EXOC4: variants seen among roughly 807,000 people sequenced by gnomAD.
EXOC4 encodes the protein exocyst complex component 4.
Under a neutral mutation model 107.2 loss-of-function variants are expected in EXOC4, and 71 were observed. The ratio of observed to expected loss-of-function variants is 0.66; its 90% CI spans 0.55 to 0.81. The LOEUF (loss-of-function observed/expected upper bound fraction) is 0.81. Ranked by LOEUF, EXOC4 falls within the 30% of genes least tolerant of loss-of-function variation. The pLI is 0.00. For synonymous variants in EXOC4, 456 were observed against 441.2 expected (o/e 1.03, Z -0.42); for missense variants, 1,108 against 1,189.6 (o/e 0.93, Z 1.01).
At chr7:133,432,609 T>A (rs1797880739) in intron 7 of EXOC4, among the ~76,000 whole-genome samples, 1 of 152,204 alleles carries the variant, frequency 6.6e-6, no homozygotes. Context: ...AACTTTTAAA[T>A]GTATGTAATA....
chr7:134,020,143 A>T (rs1794996900), intron 17 of EXOC4, among the ~76,000 whole-genome samples: 1 of 152,248 alleles, frequency 6.6e-6, no homozygotes, highest in Admixed American at 6.5e-5. Context: ...CTTTTAAGAC[A>T]ATAAGCAGCT....
chr7:133,821,335 G>A (rs1312809201), intron 11 of EXOC4, among the ~76,000 whole-genome samples: 1 of 152,168 alleles, frequency 6.6e-6, no homozygotes, highest in Non-Finnish European at 1.5e-5. Context: ...TAGTAGAACT[G>A]TAATGCAAAC....
chr7:134,026,832 A>AG (rs397744006), intron 17 of EXOC4, among the ~76,000 whole-genome samples: 1 of 151,470 alleles, frequency 6.6e-6, no homozygotes, highest in Non-Finnish European at 1.5e-5. Flanking sequence ...AGGCAGAGCA[A>AG]CGTTGCTTTC....
At chr7:133,654,997 G>A (rs975010573) in intron 10 of EXOC4, among the ~76,000 whole-genome samples, 7 of 152,142 alleles carry the variant, frequency 4.6e-5, no homozygotes, top group African/African-American at 9.7e-5. Context: ...AATGTTGCTT[G>A]CAGGACTAAA....
At chr7:133,494,238 C>T (rs931801990) in intron 9 of EXOC4, among the ~76,000 whole-genome samples, 1 of 152,088 alleles carries the variant, frequency 6.6e-6, no homozygotes, top group South Asian at 2.1e-4. Flanking sequence ...CAGAAGTACC[C>T]TTATAGACAC....
intron 9 of EXOC4, among the ~76,000 whole-genome samples, chr7:133,549,928 AT>A (rs1336004687): frequency 6.6e-6 from 1 of 152,040 alleles, no homozygotes; most frequent in Non-Finnish European, 1.5e-5. Flanking sequence ...TTTCTTTGTC[AT>A]TTTTGTTCTT....
intron 9 of EXOC4, among the ~76,000 whole-genome samples, chr7:133,493,401 C>T (rs1799413514): frequency 6.6e-6 from 1 of 152,174 alleles, no homozygotes; most frequent in Non-Finnish European, 1.5e-5. Context: ...TGCACCATTG[C>T]ACTCCGGCCT....
chr7:134,042,073 A>G (rs1224122300), intron 17 of EXOC4, among the ~76,000 whole-genome samples: 1 of 152,108 alleles, frequency 6.6e-6, no homozygotes, highest in Non-Finnish European at 1.5e-5. Context: ...AGCAGAATAA[A>G]CATTGAGAAA....
At chr7:133,705,219 T>C (rs2151090820) in intron 10 of EXOC4, among the ~76,000 whole-genome samples, 1 of 152,064 alleles carries the variant, frequency 6.6e-6, no homozygotes, top group Admixed American at 6.6e-5. Flanking sequence ...ATACAAAAAT[T>C]AGCCAGGTGT....
intron 11 of EXOC4, among the ~76,000 whole-genome samples, chr7:133,855,165 A>ATATATTTTTT (rs1563028697): frequency 2.9e-5 from 4 of 136,638 alleles, no homozygotes; most frequent in Admixed American, 1.5e-4. Context: ...AAATATATAT[A>ATATATTTTTT]TTTTTTTTAT....
downstream of EXOC4, among the ~76,000 whole-genome samples, chr7:134,070,678 C>T (rs559161600): frequency 4.6e-4 from 70 of 152,204 alleles, no homozygotes; most frequent in Non-Finnish European, 8.8e-4. Flanking sequence ...CATTTACACA[C>T]CTGGAGCAAG....
In EXOC4 at chr7:133,668,123, CTGT is replaced by C. The variant is rs769612629; in HGVS notation, c.1514+37983_1514+37985del. 3.0e-4 allele frequency among the ~76,000 whole-genome samples: 45 copies of C among 152,100 alleles called. 1 individual carries two copies. The highest frequency in any genetic ancestry group is 3.8e-4 in the Non-Finnish European group (26 of 68,022). On this transcript the variant is annotated intron_variant, in intron 10 of 17. Transcript: ENST00000253861. ...TAAAATCTGATACACTACAGAAGCA[CTGT>C]ATGGTTTATATTCGGAATGGTTTTT...
intron 14 of EXOC4, among the ~76,000 whole-genome samples, chr7:133,943,592 C>T (rs1475413465): frequency 6.6e-6 from 1 of 152,180 alleles, no homozygotes; most frequent in East Asian, 1.9e-4. Flanking sequence ...TTCTGGGTGA[C>T]ACTGCCCAAT....
chr7:133,915,618 G>A (rs897274557), intron 12 of EXOC4, among the ~76,000 whole-genome samples: 1 of 152,130 alleles, frequency 6.6e-6, no homozygotes. Context: ...ACATTGAGGG[G>A]TACACCTGCA....
At chr7:133,970,609 A>G (rs1021645265) in intron 14 of EXOC4, among the ~76,000 whole-genome samples, 1 of 151,034 alleles carries the variant, frequency 6.6e-6, no homozygotes, top group African/African-American at 2.4e-5. Flanking sequence ...GAGTTCCCCG[A>G]CTCCTTGCGC....
At chr7:133,404,475 C>T (rs1292538796) in intron 7 of EXOC4, among the ~76,000 whole-genome samples, 1 of 152,132 alleles carries the variant, frequency 6.6e-6, no homozygotes, top group South Asian at 2.1e-4. Flanking sequence ...TTGAGTCTGG[C>T]CTTGGAAGCT....
chr7:133,805,146 T>C (rs1301938298), intron 10 of EXOC4, among the ~76,000 whole-genome samples: 1 of 152,192 alleles, frequency 6.6e-6, no homozygotes, highest in East Asian at 1.9e-4. Flanking sequence ...AAAAGACTAA[T>C]GCTATGAAGT....
At chr7:134,046,125 A>C (rs1481278460) in intron 17 of EXOC4, among the ~76,000 whole-genome samples, 3 of 152,190 alleles carry the variant, frequency 2.0e-5, no homozygotes, top group African/African-American at 7.2e-5. Context: ...ACACAGCTTG[A>C]TTCCTCTTGA....
chr7:133,780,849 T>G (rs1275157444), intron 10 of EXOC4, among the ~76,000 whole-genome samples: 6 of 152,064 alleles, frequency 3.9e-5, no homozygotes, highest in Non-Finnish European at 7.3e-5. Flanking sequence ...GCCACACCCC[T>G]GTTAGCATGT....
Sources: gnomAD v4.1 joint callset for allele counts (sites outside exome capture counted in the v4.1 genomes callset) on GRCh38, gnomAD v4.1.1 for gene constraint, MANE v1.5 for transcripts, NCBI Gene and HGNC (gene_info 2026-07-23, HGNC 2026-07-21) for gene names.